TNN: variants seen among roughly 807,000 people sequenced by gnomAD.
TNN encodes the protein tenascin N, also known as tenascin-N.
In TNN, 122 loss-of-function variants were observed where a neutral mutation model predicts 134.4. The observed-to-expected ratio is 0.91, with a 90% confidence interval of 0.78 to 1.06. The LOEUF is 1.06. Ranked by LOEUF, TNN falls within the 50% of genes least tolerant of loss-of-function variation. The probability of loss-of-function intolerance (pLI) is 0.00; values close to 1 mark genes in which losing one functional copy is unlikely to be tolerated. For missense variants in TNN, 1,739 were observed against 1,699.4 expected, an observed-to-expected ratio of 1.02 and a Z score of -0.41; for synonymous variants, 710 against 670.3, an observed-to-expected ratio of 1.06 and a Z score of -0.91.
intron 15 of TNN, among the ~76,000 whole-genome samples, chr1:175,132,113 C>T (rs572499178): frequency 3.9e-5 from 6 of 152,202 alleles, no homozygotes; most frequent in South Asian, 2.1e-4. Context: ...AGCCATACAT[C>T]GGTGCTACAT....
intron 9 of TNN, among the ~76,000 whole-genome samples, chr1:175,106,216 T>C (rs1188799546): frequency 1.4e-5 from 2 of 145,502 alleles, no homozygotes; most frequent in Admixed American, 1.4e-4. Context: ...CTTTACCCCA[T>C]CCTATAAAGA....
chr1:175,136,755 A>G lies in TNN; in HGVS notation c.3428-66A>G, dbSNP rs1022989427. 2.7e-6 allele frequency: 4 copies of G among 1,490,752 alleles called. No homozygotes were observed. In the African/African-American group the frequency reaches 5.5e-5, roughly 21 times the overall value. 92.3% of individuals were successfully genotyped at this position (1,490,752 alleles called of 1,614,324 possible). The stretch of plus-strand genomic sequence containing the variant: ...TTTAGGTTCTGAAAGCCTCAGACAC[A>G]CATGTTGAGTGCTTACTCGCACACA... On this transcript the variant is annotated intron_variant, in intron 16 of 18. Coordinates refer to ENST00000239462, the MANE Select transcript of TNN (RefSeq NM_022093.2).
chr1:175,129,172 A>G (rs532575249), intron 15 of TNN, among the ~76,000 whole-genome samples: 38 of 152,208 alleles, frequency 2.5e-4, no homozygotes, highest in Non-Finnish European at 5.0e-4. Context: ...GTTCGTGATA[A>G]AGGATTAATT....
Position 175,087,256 on chromosome 1 carries a change from G to C in TNN, c.1324+1762G>C, listed in dbSNP as rs1452971664. 2.0e-5 allele frequency among the ~76,000 whole-genome samples: 3 copies of C among 152,168 alleles called. No homozygotes were observed. The East Asian group carries it at 5.8e-4, about 29-fold the overall frequency. ...TTTTGAGGACTTCAATATTTAAATG[G>C]GAAAAGTGGGCTGAAGAGGAAATAG... On this transcript the variant is annotated intron_variant, in intron 6 of 18. Transcript: ENST00000239462.
At chr1:175,115,516 ATGGGG>A (rs1675144699) in intron 9 of TNN, among the ~76,000 whole-genome samples, 1 of 152,042 alleles carries the variant, frequency 6.6e-6, no homozygotes, top group South Asian at 2.1e-4. Flanking sequence ...GCTTGGCCCC[ATGGGG>A]AAAGGTGTAA....
chr1:175,119,946 G>A (rs4625241), intron 11 of TNN, among the ~76,000 whole-genome samples: 32,808 of 152,172 alleles, frequency 0.22, 3,656 homozygotes, highest in African/African-American at 0.24. Context: ...GCCCATGAAT[G>A]TCTTAAAACT....
chr1:175,111,458 GCC>G (rs1262890152), intron 9 of TNN, among the ~76,000 whole-genome samples: 1 of 114,306 alleles, frequency 8.7e-6, no homozygotes, highest in Admixed American at 1.4e-4. Context: ...CTGCACTCCA[GCC>G]TGGGAAACAG....
intron 9 of TNN, among the ~76,000 whole-genome samples, chr1:175,105,368 T>C (rs1674823349): frequency 6.9e-6 from 1 of 145,548 alleles, no homozygotes; most frequent in African/African-American, 2.5e-5. Flanking sequence ...CGGGGGTTTT[T>C]GTGGACCTTT....
chr1:175,097,643 G>C lies in TNN; in HGVS notation c.1815G>C (p.Gly605=). The C allele has an allele frequency of 6.2e-7, 1 of 1,614,200 alleles. No individual in the cohort carries two copies. Among genetic ancestry groups the C allele is most frequent in the Non-Finnish European group, 8.5e-7 (1 of 1,180,034 alleles). Residue 605 remains glycine, a synonymous_variant, in exon 8 of 19, where the codon GGG becomes GGC. Transcript: ENST00000239462. The stretch of plus-strand genomic sequence containing the variant: ...CAGTGCATGTCTGGGCCCAGAAGGG[G>C]GACCGAGAGAGCAAGAAGGCTGACA... ...EYTVHVWAQK[G]DRESKKADTN...
Position 175,128,576 on chromosome 1 carries a change from C to T in TNN, c.3179-19C>T, listed in dbSNP as rs201492845. The T allele has an allele frequency of 1.9e-6, 3 of 1,604,294 alleles. No homozygotes were observed. The East Asian group carries it at 6.8e-5, about 36-fold the overall frequency. On this transcript the variant is annotated intron_variant, in intron 14 of 18. Transcript: ENST00000239462. The stretch of plus-strand genomic sequence containing the variant: ...TCCTTGCCCTTGTCCTAACAACACT[C>T]TCTCTGCTTGGCTCCCAGTTGGTGC...
Position 175,097,407 on chromosome 1 carries a change from T to C in TNN, c.1589-10T>C. 1 of 1,614,000 alleles carries C rather than the reference T, an allele frequency of 6.2e-7. No homozygotes were observed. Among genetic ancestry groups the C allele is most frequent in the African/African-American group, 1.3e-5 (1 of 75,038 alleles). ...AAAGGCTACATTCTTCTTTCATCTC[T>C]CTCTTAAAGAAATTGACAGCCCAGC... On this transcript the variant is annotated splice_polypyrimidine_tract_variant and intron_variant, in intron 7 of 18. Coordinates refer to ENST00000239462, the MANE Select transcript of TNN (RefSeq NM_022093.2).
intron 13 of TNN, among the ~76,000 whole-genome samples, chr1:175,127,472 G>C (rs1675560444): frequency 6.6e-6 from 1 of 152,104 alleles, no homozygotes; most frequent in Admixed American, 6.5e-5. Context: ...TGCCAATGAA[G>C]AAAGAAGGGA....
At chr1:175,095,182 T>C (rs1674540927) in intron 7 of TNN, among the ~76,000 whole-genome samples, 1 of 152,212 alleles carries the variant, frequency 6.6e-6, no homozygotes, top group East Asian at 1.9e-4. Context: ...TAGATCCATG[T>C]GGGCCTCAAT....
At chr1:175,144,587 A>G (rs1676020916) in intron 18 of TNN, 37 bp downstream of exon 18, 16 of 1,605,014 alleles carry the variant, frequency 1.0e-5, no homozygotes, top group African/African-American at 2.7e-5. Context: ...GTCCCAGGGT[A>G]TGTCCATATT....
intron 1 of TNN, among the ~76,000 whole-genome samples, chr1:175,076,228 C>T (rs1003459930): frequency 6.6e-6 from 1 of 152,140 alleles, no homozygotes; most frequent in African/African-American, 2.4e-5. Context: ...GTGAAGACAC[C>T]ACCTCCTGGT....
chr1:175,103,009 G>A (rs974520980), intron 9 of TNN, among the ~76,000 whole-genome samples: 1 of 146,546 alleles, frequency 6.8e-6, no homozygotes, highest in Admixed American at 6.8e-5. Flanking sequence ...CAGGGGAAGT[G>A]CCAGTGGGTT....
At chr1:175,068,296 C>T (rs1673841372) in intron 1 of TNN, among the ~76,000 whole-genome samples, 1 of 151,944 alleles carries the variant, frequency 6.6e-6, no homozygotes, top group African/African-American at 2.4e-5. Context: ...AACTTACTTA[C>T]AATGTCAAAG....
At chr1:175,105,332 G>A (rs994199131) in intron 9 of TNN, among the ~76,000 whole-genome samples, 1 of 145,624 alleles carries the variant, frequency 6.9e-6, no homozygotes, top group African/African-American at 2.5e-5. Context: ...TCCCCCTACA[G>A]CTTGAAGGGG....
intron 11 of TNN, among the ~76,000 whole-genome samples, chr1:175,121,699 A>G (rs1378764843): frequency 1.1e-5 from 1 of 91,622 alleles, no homozygotes. Context: ...TTTTTGAGGT[A>G]TGGATGATAA....
Sources: gnomAD v4.1 joint callset for allele counts (sites outside exome capture counted in the v4.1 genomes callset) on GRCh38, gnomAD v4.1.1 for gene constraint, MANE v1.5 for transcripts, NCBI Gene and HGNC (gene_info 2026-07-23, HGNC 2026-07-21) for gene names.